Variants in SLC12A7 observed in about 807,000 individuals in gnomAD.
SLC12A7 encodes solute carrier family 12 member 7, also known as K-Cl cotransporter 4.
A neutral mutation model predicts 120.6 loss-of-function variants in SLC12A7; 100 were observed. The ratio of observed to expected loss-of-function variants is 0.83; its 90% CI spans 0.71 to 0.98. SLC12A7 has a LOEUF of 0.98. SLC12A7 is among the 50% of genes least tolerant of loss of function. The pLI is 0.00. For missense variants in SLC12A7, 1,373 were observed against 1,548.1 expected (o/e 0.89, Z 1.90); for synonymous variants, 760 against 678.0 (o/e 1.12, Z -1.88).
At chr5:1,151,502 C>A in the SLC12A7 span, among the ~76,000 whole-genome samples, 4 of 152,134 alleles carry the variant, frequency 2.6e-5, no homozygotes, top group African/African-American at 9.7e-5. This position sits in a 1 kb window ranked among gnomAD's most constrained non-coding sequence, Gnocchi z 6.2. Context: ...GTCTGTAGGG[C>A]TCTGATGGCC....
the SLC12A7 span, among the ~76,000 whole-genome samples, chr5:1,135,071 G>A: frequency 2.0e-5 from 3 of 150,404 alleles, no homozygotes; most frequent in Non-Finnish European, 4.5e-5. Context: ...AGGCTGCAGT[G>A]AGCCGAGATC....
the SLC12A7 span, among the ~76,000 whole-genome samples, chr5:1,130,607 T>C: frequency 6.6e-6 from 1 of 150,470 alleles, no homozygotes; most frequent in African/African-American, 2.4e-5. Context: ...TCCCCTCACC[T>C]CCTTAGCCAG....
intron 10 of SLC12A7, 22 bp from the exon 11 acceptor site, chr5:1,078,780 G>C: frequency 6.3e-7 from 1 of 1,590,520 alleles, no homozygotes; most frequent in Non-Finnish European, 8.6e-7. Flanking sequence ...GTCAAGGAAA[G>C]GCAGGTCCGT....
chr5:1,065,947 C>A (rs1306953325), intron 17 of SLC12A7, among the ~76,000 whole-genome samples: 1 of 151,948 alleles, frequency 6.6e-6, no homozygotes, highest in Non-Finnish European at 1.5e-5. Flanking sequence ...GGGGGACTGC[C>A]GTGTGGTCTC....
rs1188289858 is a variant in SLC12A7, at chr5:1,077,892, T to A, written c.1570A>T (p.Thr524Ser). The A allele has an allele frequency of 6.9e-6, 11 of 1,598,702 alleles. No homozygotes were observed. The highest frequency in any genetic ancestry group is 9.4e-6 in the Non-Finnish European group (11 of 1,173,600). Reference protein sequence around the residue: ...STCGAGLQSLTGAPRLLQAIA... With the variant: ...STCGAGLQSLSGAPRLLQAIA... ...GCCTGCAGTAGGCGCGGTGCCCCCG[T>A]GAGGCTCTGCAGGCCGGCACCGCAG... The change falls in exon 12 of 24, where the codon ACG (threonine) becomes TCG (serine). Residue 524 changes from threonine (T) to serine (S), a missense_variant. Transcript: ENST00000264930.
the SLC12A7 span, among the ~76,000 whole-genome samples, chr5:1,133,250 C>T: frequency 6.6e-6 from 1 of 152,212 alleles, no homozygotes; most frequent in African/African-American, 2.4e-5. Flanking sequence ...TAGTTTGAAA[C>T]AAATTTAACC....
chr5:1,138,140 G>C, the SLC12A7 span, among the ~76,000 whole-genome samples: 5 of 152,156 alleles, frequency 3.3e-5, no homozygotes, highest in African/African-American at 1.2e-4. Context: ...GCTCTTAAAC[G>C]TGGCACGGAC....
intron 23 of SLC12A7, 45 bp downstream of exon 23, chr5:1,053,303 CA>C (rs1735253473): frequency 6.3e-7 from 1 of 1,593,416 alleles, no homozygotes; most frequent in Admixed American, 1.7e-5. Flanking sequence ...GAGAAGCCAC[CA>C]GGGGGTGCCC....
chr5:1,141,194 A>G, the SLC12A7 span, among the ~76,000 whole-genome samples: 1 of 152,248 alleles, frequency 6.6e-6, no homozygotes, highest in South Asian at 2.1e-4. Flanking sequence ...GTGTCTCTGT[A>G]TCGTCCCTGC....
At chr5:1,054,993 C>T (rs904930313) in intron 22 of SLC12A7, among the ~76,000 whole-genome samples, 2 of 152,180 alleles carry the variant, frequency 1.3e-5, no homozygotes, top group African/African-American at 4.8e-5. Flanking sequence ...ACAGGGGGGT[C>T]GGAGTGGGCA....
intron 1 of SLC12A7, among the ~76,000 whole-genome samples, chr5:1,110,887 C>A (rs955476939): frequency 2.6e-5 from 4 of 152,220 alleles, no homozygotes; most frequent in African/African-American, 9.6e-5. Context: ...CCACCCGTGT[C>A]TCCGGGTTCC....
chr5:1,061,485 TGCGGG>T (rs1736267745), intron 20 of SLC12A7, among the ~76,000 whole-genome samples: 4 of 78,360 alleles, frequency 5.1e-5, no homozygotes, highest in African/African-American at 1.8e-4. Context: ...GCACCCGCCG[TGCGGG>T]ATCCCTGAGT....
At chr5:1,138,872 A>G in the SLC12A7 span, among the ~76,000 whole-genome samples, 19 of 152,346 alleles carry the variant, frequency 1.2e-4, no homozygotes, top group African/African-American at 4.1e-4. Context: ...CAACTGCAAC[A>G]CACAGCTTTC....
intron 1 of SLC12A7, among the ~76,000 whole-genome samples, chr5:1,111,469 A>G (rs1743002459): frequency 6.6e-6 from 1 of 151,972 alleles, no homozygotes; most frequent in African/African-American, 2.4e-5. Flanking sequence ...AGGGGAAGGG[A>G]GAGCGCGGGG....
Position 1,065,574 on chromosome 5 carries a change from C to T in SLC12A7, c.2242-96G>A, listed in dbSNP as rs13186367. 0.98 allele frequency: 982,572 copies of T among 1,004,052 alleles called. 483,214 individuals are homozygous for T. Among genetic ancestry groups the T allele is most frequent in the East Asian group, 1 (37,418 of 37,422 alleles). 62.2% of individuals were successfully genotyped at this position (1,004,052 alleles called of 1,614,324 possible). A position where few individuals can be genotyped will look rare whatever the true frequency, so the allele number is the denominator to read the frequency against. On this transcript the variant is annotated intron_variant, in intron 17 of 23. Coordinates refer to ENST00000264930, the MANE Select transcript of SLC12A7 (RefSeq NM_006598.3). ...TGGCCAGGGCACCCGCACCACCTCCCCTGTGGACCCAGCAGGAGGGAAGGC... is the reference window on the plus strand; with the variant it reads ...TGGCCAGGGCACCCGCACCACCTCCTCTGTGGACCCAGCAGGAGGGAAGGC...
At chr5:1,101,578 G>A (rs1041759494) in intron 1 of SLC12A7, among the ~76,000 whole-genome samples, 5 of 152,220 alleles carry the variant, frequency 3.3e-5, no homozygotes, top group African/African-American at 9.7e-5. Context: ...GTCAAGCCCT[G>A]GCCTGAAGAA....
the SLC12A7 span, among the ~76,000 whole-genome samples, chr5:1,135,570 G>A: frequency 6.6e-6 from 1 of 152,214 alleles, no homozygotes; most frequent in African/African-American, 2.4e-5. Context: ...CGCCACAGGG[G>A]TACAAAGACA....
At position 1,052,250 on chromosome 5, in the gene SLC12A7, T is replaced by A; in HGVS notation, c.*110A>T. 1 of 923,356 alleles carries A rather than the reference T, an allele frequency of 1.1e-6. No homozygotes were observed. Among genetic ancestry groups the A allele is most frequent in the Non-Finnish European group, 1.8e-6 (1 of 564,068 alleles). 57.2% of individuals were successfully genotyped at this position (923,356 alleles called of 1,614,324 possible). ...AGCCCCATGGGCAGCTTGGGCGGCA[T>A]CACTGGGGGACAGGTGTGTCTGCCG... is the stretch of plus-strand genomic sequence containing the variant. On this transcript the variant is annotated 3_prime_UTR_variant, in exon 24 of 24. Coordinates refer to ENST00000264930, the MANE Select transcript of SLC12A7 (RefSeq NM_006598.3).
At chr5:1,088,495 G>A (rs567730993) in intron 4 of SLC12A7, 135 bp from the exon 5 acceptor site, 1 of 939,094 alleles carries the variant, frequency 1.1e-6, no homozygotes. Flanking sequence ...CATCTCAATG[G>A]AGTGGCTAGG....
Sources: gnomAD v4.1 joint callset for allele counts (sites outside exome capture counted in the v4.1 genomes callset) on GRCh38, gnomAD v4.1.1 for gene constraint, Gnocchi (gnomAD v3.1) non-coding constraint, MANE v1.5 for transcripts, NCBI Gene and HGNC (gene_info 2026-07-23, HGNC 2026-07-21) for gene names.